The following FAAH2 variants were observed in gnomAD, a reference collection of about 807,000 sequenced individuals.
FAAH2 encodes the protein fatty acid amide hydrolase 2.
A neutral mutation model predicts 36.9 loss-of-function variants in FAAH2; 60 were observed. The observed-to-expected ratio is 1.63, with a 90% confidence interval of 1.32 to 2.02. The LOEUF (loss-of-function observed/expected upper bound fraction) is 2.02. FAAH2 is among the 30% of genes most tolerant of loss of function. The pLI is 0.00. For missense variants in FAAH2, 689 were observed against 397.5 expected (o/e 1.73, Z -6.23); for synonymous variants, 214 against 143.8 (o/e 1.49, Z -3.49).
chrX:57,166,235 A>G, the FAAH2 span, among the ~76,000 whole-genome samples: 1 of 110,577 alleles, frequency 9.0e-6, no homozygotes, highest in African/African-American at 3.3e-5. Flanking sequence ...CCTTCAATCA[A>G]TAAAACCATA....
the FAAH2 span, among the ~76,000 whole-genome samples, chrX:57,142,250 C>G: frequency 8.9e-6 from 1 of 111,773 alleles, no homozygotes; most frequent in Admixed American, 9.5e-5. Flanking sequence ...TTGCTACAGT[C>G]TTTCCTCTTA....
At chrX:57,181,122 C>G in the FAAH2 span, among the ~76,000 whole-genome samples, 1 of 111,628 alleles carries the variant, frequency 9.0e-6, no homozygotes, top group African/African-American at 3.2e-5. Context: ...TTTGAAGGAA[C>G]ATACCTCAAA....
At chrX:57,431,356 C>T (rs1196741814) in intron 7 of FAAH2, among the ~76,000 whole-genome samples, 1 of 111,539 alleles carries the variant, frequency 9.0e-6, no homozygotes. Context: ...CATGTAATCT[C>T]TTGCTCACAG....
intron 8 of FAAH2, among the ~76,000 whole-genome samples, chrX:57,446,297 G>T (rs182666073): frequency 2.7e-5 from 3 of 111,691 alleles, no homozygotes; most frequent in African/African-American, 3.2e-5. Flanking sequence ...TCATTTTATT[G>T]GTTCTTATGA....
intron 8 of FAAH2, among the ~76,000 whole-genome samples, chrX:57,444,122 G>T (rs984058012): frequency 8.9e-6 from 1 of 112,103 alleles, no homozygotes; most frequent in African/African-American, 3.2e-5. Flanking sequence ...GGGAGAACCA[G>T]TACTCTCTTC....
intron 7 of FAAH2, among the ~76,000 whole-genome samples, chrX:57,390,661 A>AT (rs2055143883): frequency 1.8e-5 from 2 of 111,295 alleles, no homozygotes; most frequent in South Asian, 3.7e-4. Context: ...GCATGCTTTC[A>AT]TTTTTTATGG....
chrX:57,236,450 T>G, the FAAH2 span, among the ~76,000 whole-genome samples: 163 of 112,447 alleles, frequency 1.4e-3, no homozygotes, highest in African/African-American at 5.0e-3. Flanking sequence ...TAGTCTACAA[T>G]CCTAGCAGTA....
the FAAH2 span, among the ~76,000 whole-genome samples, chrX:57,221,641 G>A: frequency 9.0e-6 from 1 of 111,505 alleles, no homozygotes; most frequent in African/African-American, 3.3e-5. Flanking sequence ...TGTACTCCCA[G>A]TATGTCCAGT....
At chrX:57,258,894 G>A in the FAAH2 span, among the ~76,000 whole-genome samples, 3 of 97,330 alleles carry the variant, frequency 3.1e-5, no homozygotes, top group Non-Finnish European at 6.2e-5. Flanking sequence ...TTTTTTTTTT[G>A]GATTTTTAGT....
In FAAH2 at chrX:57,336,250, A is replaced by AC. The variant is rs773891546; in HGVS notation, c.622+4448dup. 1.7e-4 allele frequency among the ~76,000 whole-genome samples: 19 copies of AC among 109,608 alleles called. 1 individual carries two copies. Among genetic ancestry groups the AC allele is most frequent in the African/African-American group, 5.6e-4 (17 of 30,105 alleles). On this transcript the variant is annotated intron_variant, in intron 4 of 10. Coordinates refer to ENST00000374900, the MANE Select transcript of FAAH2 (RefSeq NM_174912.4). ...AAGCTCCCCCACTGAGTACCTTGAG[A>AC]CCCCCATTCTGCCCGCCAGAGAAGA...
intron 9 of FAAH2, 128 bp downstream of exon 9, chrX:57,447,167 T>G (rs755199906): frequency 2.4e-6 from 1 of 420,795 alleles, no homozygotes; most frequent in East Asian, 4.0e-5. Flanking sequence ...ATCTTAACGC[T>G]CCAAAATGAT....
the FAAH2 span, among the ~76,000 whole-genome samples, chrX:57,152,222 C>T: frequency 8.9e-6 from 1 of 112,277 alleles, no homozygotes; most frequent in Non-Finnish European, 1.9e-5. Flanking sequence ...GGTTAGGGTC[C>T]CACTTGAGCA....
the FAAH2 span, among the ~76,000 whole-genome samples, chrX:57,179,937 A>C: frequency 8.9e-6 from 1 of 112,556 alleles, no homozygotes; most frequent in Non-Finnish European, 1.9e-5. Flanking sequence ...CAGCACAATA[A>C]AAATATAATT....
At chrX:57,378,218 G>T (rs1372679102) in intron 5 of FAAH2, among the ~76,000 whole-genome samples, 1 of 111,995 alleles carries the variant, frequency 8.9e-6, no homozygotes, top group East Asian at 2.8e-4. Flanking sequence ...ATTTGTTATG[G>T]CTTCTGTTTA....
At chrX:57,352,337 C>T (rs1188595016) in intron 5 of FAAH2, among the ~76,000 whole-genome samples, 3 of 106,179 alleles carry the variant, frequency 2.8e-5, no homozygotes, top group Non-Finnish European at 3.9e-5. Flanking sequence ...TGTGATATAT[C>T]ACATCAACAG....
intron 5 of FAAH2, among the ~76,000 whole-genome samples, chrX:57,369,291 G>T (rs1228720416): frequency 1.8e-5 from 2 of 111,206 alleles, no homozygotes; most frequent in African/African-American, 6.5e-5. Flanking sequence ...AAGAGATGGA[G>T]AAAAGCACAG....
the FAAH2 span, among the ~76,000 whole-genome samples, chrX:57,192,680 A>T: frequency 2.7e-5 from 3 of 111,999 alleles, no homozygotes; most frequent in African/African-American, 9.7e-5. Context: ...GGGACCCCAA[A>T]TGGAAGGACT....
chrX:57,420,811 G>C (rs2056000486), intron 7 of FAAH2, among the ~76,000 whole-genome samples: 2 of 110,112 alleles, frequency 1.8e-5, no homozygotes, highest in Non-Finnish European at 3.8e-5. Flanking sequence ...TTTTCAAAGG[G>C]AATGCTTCCA....
At chrX:57,384,467 C>T (rs1273726556) in intron 7 of FAAH2, among the ~76,000 whole-genome samples, 1 of 108,481 alleles carries the variant, frequency 9.2e-6, no homozygotes, top group East Asian at 2.9e-4. Context: ...TGAACTCAAA[C>T]AAATTTACAA....
Sources: allele counts gnomAD v4.1 joint callset (sites outside exome capture counted in the v4.1 genomes callset), GRCh38; gene constraint gnomAD v4.1.1; transcripts MANE v1.5; gene names NCBI Gene and HGNC (gene_info 2026-07-23, HGNC 2026-07-21).